Variants in RORA observed in about 807,000 individuals in gnomAD.
RORA encodes the protein RAR related orphan receptor A.
RORA carries 7 observed loss-of-function variants against 69.5 expected under a neutral mutation model. The ratio of observed to expected loss-of-function variants is 0.10; its 90% CI spans 0.06 to 0.19. The LOEUF (loss-of-function observed/expected upper bound fraction) is 0.19, where lower values mean the gene tolerates loss of function less well. Among genes scored for constraint, RORA ranks in the 10% least tolerant of loss-of-function variants. The pLI, the probability that RORA is intolerant of heterozygous loss-of-function variation, is 1.00. For missense variants in RORA, 457 were observed against 663.0 expected (o/e 0.69, Z 3.41); for synonymous variants, 261 against 240.8 (o/e 1.08, Z -0.78).
At chr15:60,843,969 T>C (rs1048790357) in intron 1 of RORA, among the ~76,000 whole-genome samples, 1 of 152,174 alleles carries the variant, frequency 6.6e-6, no homozygotes, top group Admixed American at 6.5e-5. Context: ...ACAGGAAACA[T>C]AGCCCACACT....
chr15:60,567,979 C>T (rs1595987747), intron 2 of RORA, among the ~76,000 whole-genome samples: 1 of 152,248 alleles, frequency 6.6e-6, no homozygotes, highest in Non-Finnish European at 1.5e-5. Context: ...GGTTTCTCAG[C>T]CTTGGCACTA....
At chr15:61,211,431 C>A (rs935604590) in intron 1 of RORA, among the ~76,000 whole-genome samples, 2 of 152,296 alleles carry the variant, frequency 1.3e-5, no homozygotes, top group Non-Finnish European at 2.9e-5. Flanking sequence ...ACACTGGCAT[C>A]CCAAGGCCTT....
At chr15:60,737,577 T>C (rs1287608532) in intron 1 of RORA, among the ~76,000 whole-genome samples, 1 of 152,226 alleles carries the variant, frequency 6.6e-6, no homozygotes, top group Non-Finnish European at 1.5e-5. Context: ...CTCCAAGTGA[T>C]TCTGATGCTC....
chr15:61,079,036 C>T (rs1250884612), intron 1 of RORA, among the ~76,000 whole-genome samples: 1 of 152,140 alleles, frequency 6.6e-6, no homozygotes. Flanking sequence ...ATGACTAAGT[C>T]CACATGCCTC....
At chr15:61,030,396 A>T (rs1896098937) in intron 1 of RORA, among the ~76,000 whole-genome samples, 1 of 152,204 alleles carries the variant, frequency 6.6e-6, no homozygotes, top group Non-Finnish European at 1.5e-5. Flanking sequence ...TTGGGGCATG[A>T]GGTTGGCAAC....
chr15:61,108,359 C>T (rs1313159449), intron 1 of RORA, among the ~76,000 whole-genome samples: 1 of 152,126 alleles, frequency 6.6e-6, no homozygotes, highest in Non-Finnish European at 1.5e-5. Context: ...AAAAGCTGAT[C>T]CCCTGCACAA....
At chr15:60,810,907 A>C (rs181272969) in intron 1 of RORA, among the ~76,000 whole-genome samples, 311 of 152,314 alleles carry the variant, frequency 2.0e-3, no homozygotes, top group Non-Finnish European at 2.7e-3. Flanking sequence ...TGTTAGAATA[A>C]TGGATTAGGC....
intron 1 of RORA, among the ~76,000 whole-genome samples, chr15:61,143,537 G>A (rs2079319789): frequency 6.6e-6 from 1 of 152,166 alleles, no homozygotes; most frequent in African/African-American, 2.4e-5. Context: ...AAGACATACA[G>A]TAAAGCTAAG....
At chr15:60,519,237 A>G (rs1429307147) in intron 3 of RORA, among the ~76,000 whole-genome samples, 3 of 152,212 alleles carry the variant, frequency 2.0e-5, no homozygotes, top group African/African-American at 7.2e-5. Flanking sequence ...TGATTAAAAC[A>G]AATCCCAAAT....
intron 1 of RORA, among the ~76,000 whole-genome samples, chr15:60,697,104 T>C (rs1596135030): frequency 6.6e-6 from 1 of 152,226 alleles, no homozygotes; most frequent in East Asian, 1.9e-4. Context: ...TGAACGAGGT[T>C]TATGTTCTGC....
intron 1 of RORA, among the ~76,000 whole-genome samples, chr15:61,177,954 T>A: frequency 7.4e-6 from 1 of 135,596 alleles, no homozygotes; most frequent in African/African-American, 2.8e-5. Context: ...AGAGCAAGAC[T>A]CCATCTCAAC....
At position 61,213,249 on chromosome 15, in the gene RORA, T is replaced by C. The variant is rs897403269; in HGVS notation, c.166+15804A>G. ...TGGGGAATCCTACCGCAGAGTCAAC[T>C]CTTCTTCGCCTTCCACTCCCAACCC... On this transcript the variant is annotated intron_variant, in intron 1 of 10. Coordinates refer to ENST00000335670, the MANE Select transcript of RORA (RefSeq NM_134261.3). The surrounding 1 kb of genome is among the most constrained non-coding windows in gnomAD (Gnocchi z 4.1). Among the ~76,000 whole-genome samples, 7 of 152,154 alleles carry C rather than the reference T, an allele frequency of 4.6e-5. No homozygotes were observed. The highest frequency in any genetic ancestry group is 1.7e-4 in the African/African-American group (7 of 41,430).
intron 2 of RORA, among the ~76,000 whole-genome samples, chr15:60,638,147 C>A (rs1596085742): frequency 6.6e-6 from 1 of 152,084 alleles, no homozygotes; most frequent in East Asian, 1.9e-4. Context: ...TTAAAAAGAT[C>A]CTCTCTCTTC....
chr15:60,746,361 A>G (rs533887700), intron 1 of RORA, among the ~76,000 whole-genome samples: 2 of 152,232 alleles, frequency 1.3e-5, no homozygotes, highest in Admixed American at 1.3e-4. Flanking sequence ...GCAGCTTTTC[A>G]GATGCTGAAC....
At chr15:60,851,977 C>T (rs140257778) in intron 1 of RORA, among the ~76,000 whole-genome samples, 2 of 152,284 alleles carry the variant, frequency 1.3e-5, no homozygotes, top group African/African-American at 4.8e-5. Context: ...TCCAAGGTAT[C>T]CATGTGTGCC....
intron 1 of RORA, among the ~76,000 whole-genome samples, chr15:61,036,718 G>T (rs896408151): frequency 7.2e-6 from 1 of 139,360 alleles, no homozygotes; most frequent in Non-Finnish European, 1.6e-5. Context: ...AAATCCAAAA[G>T]ACTTGACTTT....
intron 2 of RORA, among the ~76,000 whole-genome samples, chr15:60,600,520 C>T (rs1412617536): frequency 1.3e-5 from 2 of 152,194 alleles, no homozygotes; most frequent in Non-Finnish European, 2.9e-5. Context: ...CTCAGAAGTC[C>T]ATCTATTATT....
intron 1 of RORA, among the ~76,000 whole-genome samples, chr15:60,756,457 A>G (rs1486803201): frequency 2.6e-5 from 4 of 152,246 alleles, no homozygotes; most frequent in African/African-American, 9.6e-5. Flanking sequence ...GCATCTGATG[A>G]TAACTTTATA....
At chr15:60,697,655 C>A (rs2070924322) in intron 1 of RORA, among the ~76,000 whole-genome samples, 2 of 151,932 alleles carry the variant, frequency 1.3e-5, no homozygotes, top group Admixed American at 1.3e-4. Context: ...ATAAGGCCTG[C>A]TCTTGGGTTC....
Sources: gnomAD v4.1 joint callset for allele counts (sites outside exome capture counted in the v4.1 genomes callset) on GRCh38, gnomAD v4.1.1 for gene constraint, Gnocchi (gnomAD v3.1) non-coding constraint, MANE v1.5 for transcripts, NCBI Gene and HGNC (gene_info 2026-07-23, HGNC 2026-07-21) for gene names.